The following GRIN2A variants were observed in gnomAD, a reference collection of about 807,000 sequenced individuals.
GRIN2A encodes the protein glutamate ionotropic receptor NMDA type subunit 2A, also known as glutamate receptor ionotropic, NMDA 2A.
Under a neutral mutation model 113.4 loss-of-function variants are expected in GRIN2A, and 22 were observed. The observed-to-expected ratio is 0.19, with a 90% CI of 0.14 to 0.28. The LOEUF is 0.28. Among genes scored for constraint, GRIN2A ranks in the 10% least tolerant of loss-of-function variants. The pLI, the probability that GRIN2A is intolerant of heterozygous loss-of-function variation, is 1.00. For missense variants in GRIN2A, 1,502 were observed against 1,887.0 expected (o/e 0.80, Z 3.78); for synonymous variants, 827 against 738.4 (o/e 1.12, Z -1.94).
chr16:9,834,953 G>C (rs1198413962), intron 7 of GRIN2A, among the ~76,000 whole-genome samples: 2 of 152,110 alleles, frequency 1.3e-5, no homozygotes, highest in Non-Finnish European at 2.9e-5. Flanking sequence ...TAAACCATAG[G>C]CTCCTGCAAA....
Position 10,051,026 on chromosome 16 carries a change from G to A in GRIN2A, c.415-112475C>T, listed in dbSNP as rs184342178. ...TATTCAGATGATGAAGCTAAGACTC[G>A]AGAGCATGTCCCAGGCCCCCCATGT... On this transcript the variant is annotated intron_variant, in intron 2 of 12. Transcript: ENST00000330684. Among the ~76,000 whole-genome samples the A allele has an allele frequency of 4.7e-3, 723 of 152,276 alleles. 4 individuals carry two copies. Among genetic ancestry groups the A allele is most frequent in the Non-Finnish European group, 8.2e-3 (556 of 68,024 alleles).
At position 10,108,979 on chromosome 16, in the gene GRIN2A, A is replaced by G. The variant is rs905679951; in HGVS notation, c.414+71019T>C. On this transcript the variant is annotated intron_variant, in intron 2 of 12. Coordinates refer to ENST00000330684, the MANE Select transcript of GRIN2A (RefSeq NM_001134407.3). ...GCTGAGAAGCTAATTAAGAAATAACAGAGAAAACTAATGAAACCCAAAGCT... is the reference window on the plus strand; with the variant it reads ...GCTGAGAAGCTAATTAAGAAATAACGGAGAAAACTAATGAAACCCAAAGCT... 2.0e-5 allele frequency among the ~76,000 whole-genome samples: 3 copies of G among 151,170 alleles called. No individual in the cohort carries two copies. In the South Asian group the frequency reaches 6.3e-4, roughly 32 times the overall value.
intron 2 of GRIN2A, among the ~76,000 whole-genome samples, chr16:10,095,785 A>T (rs551846906): frequency 6.6e-5 from 10 of 152,142 alleles, no homozygotes; most frequent in Non-Finnish European, 2.9e-5. Context: ...GTCAAAATTA[A>T]TATCACCAAT....
intron 2 of GRIN2A, among the ~76,000 whole-genome samples, chr16:9,986,050 G>C (rs929971598): frequency 2.0e-5 from 3 of 152,004 alleles, no homozygotes; most frequent in Non-Finnish European, 4.4e-5. Flanking sequence ...GGTACAATAT[G>C]ATGTTTTTAT....
rs1900790690 is a variant in GRIN2A, at chr16:9,764,566, G to A, written c.2978C>T (p.Pro993Leu). The A allele has an allele frequency of 6.2e-7, 1 of 1,614,012 alleles. No homozygotes were observed. The highest frequency in any genetic ancestry group is 8.5e-7 in the Non-Finnish European group (1 of 1,179,996). Residue 993 changes from proline (P) to leucine (L), a missense_variant, in exon 13 of 13, where the codon CCT becomes CTT. By Grantham distance (98) the Pro-to-Leu change is moderately conservative. This residue lies in a region of GRIN2A where 832 missense variants were observed against 789.7 expected (regional missense o/e 1.05). Transcript: ENST00000330684. ...GCTCACGGCCACCTCCACCGTGTTA[G>A]GGTTGGACTCATTGAGAGTAAGAGG... is the stretch of plus-strand genomic sequence containing the variant. Reference protein sequence around the residue: ...QHPLTLNESNPNTVEVAVSTE... With the variant: ...QHPLTLNESNLNTVEVAVSTE...
chr16:9,896,383 A>C (rs2043808173), intron 3 of GRIN2A, among the ~76,000 whole-genome samples: 1 of 152,222 alleles, frequency 6.6e-6, no homozygotes, highest in Admixed American at 6.5e-5. Flanking sequence ...AAGGTAGCAT[A>C]CGCAGTTGAG....
intron 9 of GRIN2A, among the ~76,000 whole-genome samples, chr16:9,827,666 T>C (rs1386657493): frequency 6.6e-6 from 1 of 152,186 alleles, no homozygotes; most frequent in Non-Finnish European, 1.5e-5. Flanking sequence ...AAAAATCTGC[T>C]GAGGATCCCT....
chr16:9,953,561 T>C (rs537603903), intron 2 of GRIN2A, among the ~76,000 whole-genome samples: 3 of 151,926 alleles, frequency 2.0e-5, no homozygotes, highest in Non-Finnish European at 4.4e-5. Context: ...GGGCTGAGGC[T>C]TGAGATTTAG....
intron 2 of GRIN2A, among the ~76,000 whole-genome samples, chr16:10,030,792 T>TATCGACAGC (rs1176568389): frequency 1.3e-5 from 2 of 152,198 alleles, no homozygotes; most frequent in Non-Finnish European, 2.9e-5. Flanking sequence ...AGCAAATAGT[T>TATCGACAGC]ATCGACAGCT....
intron 7 of GRIN2A, among the ~76,000 whole-genome samples, chr16:9,836,102 G>T (rs1360724845): frequency 6.6e-6 from 1 of 152,204 alleles, no homozygotes; most frequent in Non-Finnish European, 1.5e-5. Flanking sequence ...ATGATTAGGA[G>T]ATTTATAAGT....
At chr16:10,010,546 TA>T (rs1027755547) in intron 2 of GRIN2A, among the ~76,000 whole-genome samples, 1 of 152,178 alleles carries the variant, frequency 6.6e-6, no homozygotes, top group Non-Finnish European at 1.5e-5. Context: ...GTTGTAAAAT[TA>T]AATAAGATCA....
At chr16:10,044,393 T>C (rs905563370) in intron 2 of GRIN2A, among the ~76,000 whole-genome samples, 1 of 151,848 alleles carries the variant, frequency 6.6e-6, no homozygotes. Flanking sequence ...ACATGGCTTT[T>C]TGCTGCACAG....
At chr16:9,773,056 A>G (rs528176810) in intron 11 of GRIN2A, among the ~76,000 whole-genome samples, 20 of 151,896 alleles carry the variant, frequency 1.3e-4, no homozygotes, top group Non-Finnish European at 2.6e-4. Context: ...TAGTTCAAAT[A>G]CTTTCTTATT....
chr16:9,952,831 A>G (rs1437630300), intron 2 of GRIN2A, among the ~76,000 whole-genome samples: 1 of 152,154 alleles, frequency 6.6e-6, no homozygotes, highest in East Asian at 1.9e-4. Flanking sequence ...TCAGGCAACA[A>G]GAAAGTGAGA....
chr16:10,018,603 T>C (rs2046652945), intron 2 of GRIN2A, among the ~76,000 whole-genome samples: 1 of 152,186 alleles, frequency 6.6e-6, no homozygotes, highest in Non-Finnish European at 1.5e-5. Flanking sequence ...GGTGAACCTC[T>C]GGTCCACCTA....
In GRIN2A at chr16:9,760,870, A is replaced by C. The variant is rs756157393; in HGVS notation, c.*2279T>G. On this transcript the variant is annotated 3_prime_UTR_variant, in exon 13 of 13. Coordinates refer to ENST00000330684, the MANE Select transcript of GRIN2A (RefSeq NM_001134407.3). ...TGGGGTGGATTAAGGTCTGGAATGC[A>C]CTGGAAGGGCAGAAGGTAGAAAGGG... is the stretch of plus-strand genomic sequence containing the variant. 1 of 232,428 alleles carries C rather than the reference A, an allele frequency of 4.3e-6. No individual in the cohort carries two copies. The highest frequency in any genetic ancestry group is 8.5e-6 in the Non-Finnish European group (1 of 117,566). 14.4% of individuals were successfully genotyped at this position (232,428 alleles called of 1,614,324 possible).
chr16:9,849,209 CT>C (rs941430143), intron 5 of GRIN2A, among the ~76,000 whole-genome samples: 5 of 138,622 alleles, frequency 3.6e-5, no homozygotes, highest in Admixed American at 7.4e-5. Flanking sequence ...TATATAATTT[CT>C]ATATATTTAT....
At chr16:9,911,420 T>A (rs1055700042) in intron 3 of GRIN2A, among the ~76,000 whole-genome samples, 3 of 152,232 alleles carry the variant, frequency 2.0e-5, no homozygotes, top group African/African-American at 4.8e-5. Context: ...CTTAAATTTA[T>A]ATGCTAACTC....
Position 9,756,037 on chromosome 16 carries a change from T to C in GRIN2A, c.*7112A>G, listed in dbSNP as rs143274147. On this transcript the variant is annotated 3_prime_UTR_variant, in exon 13 of 13. Transcript: ENST00000330684. ...AAGATAACCAAACATAGACATGAAA[T>C]AGGAGGAATAGTCAACTTGCAAATA... The C allele has an allele frequency of 1.3e-4, 28 of 220,488 alleles. No homozygotes were observed. The highest frequency in any genetic ancestry group is 5.1e-4 in the African/African-American group (23 of 44,672). The allele number at this position is 220,488 out of a possible 1,614,324, so 13.7% of individuals were successfully genotyped here.
Sources: gnomAD v4.1 joint callset for allele counts (sites outside exome capture counted in the v4.1 genomes callset) on GRCh38, gnomAD v4.1.1 for gene constraint, gnomAD v4.1.1 regional missense constraint, MANE v1.5 for transcripts, NCBI Gene and HGNC (gene_info 2026-07-23, HGNC 2026-07-21) for gene names.